The following NCAM2 variants were observed in gnomAD, a reference collection of about 807,000 sequenced individuals.
NCAM2 encodes N-CAM-2.
Under a neutral mutation model 98.1 loss-of-function variants are expected in NCAM2, and 30 were observed. That is an observed-to-expected ratio of 0.31 (90% CI 0.23 to 0.41). The LOEUF is 0.41. NCAM2 is among the 10% of genes least tolerant of loss of function. NCAM2 has a pLI of 1.00. For synonymous variants in NCAM2, 368 were observed against 342.4 expected (o/e 1.07, Z -0.83); for missense variants, 867 against 1,005.8 (o/e 0.86, Z 1.87).
chr21:21,114,240 C>G (rs1393760406), intron 1 of NCAM2, among the ~76,000 whole-genome samples: 5 of 152,142 alleles, frequency 3.3e-5, no homozygotes, highest in Non-Finnish European at 7.4e-5. Flanking sequence ...TCTCATGAGA[C>G]TCTCCAGGCA....
intron 16 of NCAM2, among the ~76,000 whole-genome samples, chr21:21,515,738 T>G: frequency 6.6e-6 from 1 of 152,160 alleles, no homozygotes; most frequent in East Asian, 1.9e-4. Flanking sequence ...GAACTAATAC[T>G]GATAAGACAC....
chr21:21,044,510 G>A (rs1011696746), intron 1 of NCAM2, among the ~76,000 whole-genome samples: 2 of 152,040 alleles, frequency 1.3e-5, no homozygotes, highest in Admixed American at 1.3e-4. Context: ...TCTTTATATT[G>A]TATAAATAAC....
chr21:21,356,873 C>T (rs570093014), intron 8 of NCAM2, among the ~76,000 whole-genome samples: 1 of 152,082 alleles, frequency 6.6e-6, no homozygotes, highest in African/African-American at 2.4e-5. Flanking sequence ...GCCTGTAATC[C>T]CAGCTACTCC....
chr21:21,022,857 T>A (rs1029630251), intron 1 of NCAM2, among the ~76,000 whole-genome samples: 3 of 152,138 alleles, frequency 2.0e-5, no homozygotes, highest in East Asian at 3.8e-4. Flanking sequence ...GACATGTAGA[T>A]CTTACAATAA....
intron 1 of NCAM2, among the ~76,000 whole-genome samples, chr21:21,037,995 T>A (rs757109341): frequency 1.3e-5 from 2 of 152,182 alleles, no homozygotes; most frequent in African/African-American, 2.4e-5. Context: ...TAATTTATTC[T>A]GCTTTGCACA....
chr21:21,265,123 T>C (rs1349731105), intron 1 of NCAM2, among the ~76,000 whole-genome samples: 2 of 9,554 alleles, frequency 2.1e-4, no homozygotes, highest in East Asian at 1.9e-3. Flanking sequence ...TACATACATA[T>C]ATTATATATA....
chr21:21,542,069 C>T lies in NCAM2; in HGVS notation c.*4112C>T, dbSNP rs1251648745. 1.3e-5 allele frequency: 2 copies of T among 151,820 alleles called. No individual in the cohort carries two copies. Among genetic ancestry groups the T allele is most frequent in the African/African-American group, 4.8e-5 (2 of 41,396 alleles). The allele number at this position is 151,820 out of a possible 1,614,324, so 9.4% of individuals were successfully genotyped here. A position where few individuals can be genotyped will look rare whatever the true frequency, so the allele number is the denominator to read the frequency against. ...ATGTCGCAGAAATGAAATACTTCAT[C>T]TTAGAAGGTAAAATTTTCAAGAAAG... On this transcript the variant is annotated 3_prime_UTR_variant, in exon 18 of 18. Transcript: ENST00000400546.
chr21:21,320,947 G>A (rs2074359711), intron 5 of NCAM2, among the ~76,000 whole-genome samples: 1 of 152,070 alleles, frequency 6.6e-6, no homozygotes, highest in Non-Finnish European at 1.5e-5. Context: ...AAAATGCAAT[G>A]GAAAGAGATG....
chr21:21,331,121 G>A (rs2074663609), intron 6 of NCAM2, among the ~76,000 whole-genome samples: 1 of 151,714 alleles, frequency 6.6e-6, no homozygotes, highest in African/African-American at 2.4e-5. Context: ...CCTATATTTT[G>A]TAACTGACTG....
In NCAM2 at chr21:21,338,419, A is replaced by C; in HGVS notation, c.929A>C (p.Glu310Ala). 1 of 1,612,314 alleles carries C rather than the reference A, an allele frequency of 6.2e-7. No individual in the cohort carries two copies. The highest frequency in any genetic ancestry group is 8.5e-7 in the Non-Finnish European group (1 of 1,178,746). ...CCTCACATAATACAGCTTAAAAATG[A>C]AACTACATATGAGAATGGTCAAGTC... The part of the protein sequence containing the change: ...VQPHIIQLKN[E>A]TTYENGQVTL... Residue 310 changes from glutamate (E) to alanine (A), a missense_variant, in exon 8 of 18, where the codon GAA (glutamate) becomes GCA (alanine). Coordinates refer to ENST00000400546, the MANE Select transcript of NCAM2 (RefSeq NM_004540.5).
intron 16 of NCAM2, among the ~76,000 whole-genome samples, chr21:21,517,319 A>T (rs1273740955): frequency 6.6e-6 from 1 of 152,144 alleles, no homozygotes; most frequent in Non-Finnish European, 1.5e-5. Context: ...GCATTGTTTT[A>T]AATAAGCCAT....
At chr21:21,494,684 A>G (rs1987090916) in intron 15 of NCAM2, among the ~76,000 whole-genome samples, 1 of 152,000 alleles carries the variant, frequency 6.6e-6, no homozygotes, top group South Asian at 2.1e-4. Flanking sequence ...ATATGTGCCA[A>G]AATGATCTCA....
At chr21:21,071,743 A>G (rs1014583573) in intron 1 of NCAM2, among the ~76,000 whole-genome samples, 1 of 152,198 alleles carries the variant, frequency 6.6e-6, no homozygotes, top group Non-Finnish European at 1.5e-5. Context: ...CTAAGATGGA[A>G]TAATTAAAAT....
At chr21:21,076,046 G>A (rs979213981) in intron 1 of NCAM2, among the ~76,000 whole-genome samples, 1 of 151,786 alleles carries the variant, frequency 6.6e-6, no homozygotes, top group African/African-American at 2.4e-5. Context: ...GCACCCAAGA[G>A]GAGGAGGTTG....
intron 1 of NCAM2, among the ~76,000 whole-genome samples, chr21:21,158,704 A>G (rs2067688432): frequency 6.6e-6 from 1 of 151,964 alleles, no homozygotes; most frequent in African/African-American, 2.4e-5. Flanking sequence ...CGCATTACTC[A>G]CCTGTTTATG....
chr21:21,329,343 A>G (rs1471101432), intron 6 of NCAM2, among the ~76,000 whole-genome samples: 1 of 152,190 alleles, frequency 6.6e-6, no homozygotes, highest in Admixed American at 6.6e-5. Context: ...GTCGCTTCCA[A>G]CATTCAGTAT....
intron 2 of NCAM2, 119 bp downstream of exon 2, chr21:21,280,771 G>A: frequency 1.5e-6 from 1 of 650,464 alleles, no homozygotes; most frequent in Non-Finnish European, 2.4e-6. Context: ...TCTTACAGTT[G>A]GTTTTTTGTT....
At chr21:21,372,450 T>C (rs1009309240) in intron 8 of NCAM2, among the ~76,000 whole-genome samples, 1 of 151,696 alleles carries the variant, frequency 6.6e-6, no homozygotes, top group African/African-American at 2.4e-5. Flanking sequence ...AAATACTAGA[T>C]AGACAGCAAA....
chr21:21,426,666 G>A (rs771041858), intron 11 of NCAM2, among the ~76,000 whole-genome samples: 1 of 152,178 alleles, frequency 6.6e-6, no homozygotes, highest in Non-Finnish European at 1.5e-5. Flanking sequence ...TGAATAGGCT[G>A]TGGAATGGGG....
Sources: gnomAD v4.1 joint callset for allele counts (sites outside exome capture counted in the v4.1 genomes callset) on GRCh38, gnomAD v4.1.1 for gene constraint, MANE v1.5 for transcripts, NCBI Gene and HGNC (gene_info 2026-07-23, HGNC 2026-07-21) for gene names.